ZFAT: variants seen among roughly 807,000 people sequenced by gnomAD.
ZFAT encodes zinc finger and AT-hook domain containing.
In ZFAT, 64 loss-of-function variants were observed where a neutral mutation model predicts 117.7. That is an observed-to-expected ratio of 0.54 (90% CI 0.44 to 0.67). The LOEUF is 0.67. ZFAT is among the 30% of genes least tolerant of loss of function. The pLI is 0.00. For synonymous variants in ZFAT, 679 were observed against 615.0 expected, an observed-to-expected ratio of 1.10 and a Z score of -1.54; for missense variants, 1,433 against 1,584.5, an observed-to-expected ratio of 0.90 and a Z score of 1.62.
At chr8:134,543,018 G>C (rs115449220) in intron 11 of ZFAT, among the ~76,000 whole-genome samples, 1 of 145,608 alleles carries the variant, frequency 6.9e-6, no homozygotes. Context: ...AGTGAGTCAG[G>C]CACATGCAGT....
chr8:134,616,664 G>A (rs550507463), intron 3 of ZFAT, among the ~76,000 whole-genome samples: 127 of 152,194 alleles, frequency 8.3e-4, no homozygotes, highest in Non-Finnish European at 1.6e-3. Flanking sequence ...TTCCATAGCT[G>A]TCGATGGGTT....
chr8:134,577,618 G>C (rs1825400779), intron 10 of ZFAT, among the ~76,000 whole-genome samples: 1 of 152,164 alleles, frequency 6.6e-6, no homozygotes, highest in Non-Finnish European at 1.5e-5. Flanking sequence ...CAAATTTATT[G>C]AGTGCCTATG....
At chr8:134,589,638 G>A (rs542437551) in intron 8 of ZFAT, among the ~76,000 whole-genome samples, 76 of 152,316 alleles carry the variant, frequency 5.0e-4, no homozygotes, top group Non-Finnish European at 9.4e-4. Context: ...CGGTCAGTGC[G>A]CCCTGTGTGA....
At chr8:134,568,109 G>A (rs1246525307) in intron 10 of ZFAT, among the ~76,000 whole-genome samples, 1 of 152,226 alleles carries the variant, frequency 6.6e-6, no homozygotes, top group Non-Finnish European at 1.5e-5. Context: ...ACTGAACTGA[G>A]TGAAAATTTT....
At chr8:134,574,854 A>G (rs571087530) in intron 10 of ZFAT, among the ~76,000 whole-genome samples, 346 of 152,328 alleles carry the variant, frequency 2.3e-3, no homozygotes, top group African/African-American at 8.0e-3. Context: ...GGTATTTTAC[A>G]TAAGTAAATT....
In ZFAT at chr8:134,616,253, ACTT is replaced by A. The variant is rs752879156; in HGVS notation, c.449-5601_449-5599del. ...GTCTGGTGTGTCGTAGATGCTCAAT[ACTT>A]CTTCGTGGAAAGCAAGGAGGGTACA... On this transcript the variant is annotated intron_variant, in intron 3 of 15. Transcript: ENST00000377838. 4.9e-4 allele frequency among the ~76,000 whole-genome samples: 75 copies of A among 152,306 alleles called. No individual in the cohort carries two copies. The Middle Eastern group carries it at 0.014, about 28-fold the overall frequency.
Position 134,618,947 on chromosome 8 carries a change from A to G in ZFAT, c.449-8292T>C, listed in dbSNP as rs932460857. Among the ~76,000 whole-genome samples, 151 of 152,350 alleles carry G rather than the reference A, an allele frequency of 9.9e-4. 1 individual carries two copies. Among genetic ancestry groups the G allele is most frequent in the Non-Finnish European group, 1.8e-4 (12 of 68,044 alleles). ...AGGAAAGAGACAATCAGTTTAAAAC[A>G]TAATAAATAACTAAACCACACAGCA... On this transcript the variant is annotated intron_variant, in intron 3 of 15. Coordinates refer to ENST00000377838, the MANE Select transcript of ZFAT (RefSeq NM_020863.4).
chr8:134,587,138 C>T (rs1274714319), intron 9 of ZFAT, among the ~76,000 whole-genome samples: 3 of 152,166 alleles, frequency 2.0e-5, no homozygotes, highest in African/African-American at 7.2e-5. Context: ...ATGTGACCAT[C>T]ACTCTCCTCT....
At chr8:134,616,146 T>G (rs1400677656) in intron 3 of ZFAT, among the ~76,000 whole-genome samples, 1 of 152,172 alleles carries the variant, frequency 6.6e-6, no homozygotes, top group African/African-American at 2.4e-5. Context: ...ACCGCACTCC[T>G]GTACAAGCCA....
chr8:134,508,385 T>C (rs1303912062), intron 15 of ZFAT, among the ~76,000 whole-genome samples: 1 of 152,208 alleles, frequency 6.6e-6, no homozygotes, highest in African/African-American at 2.4e-5. Flanking sequence ...AGAAATATCT[T>C]ATTTGTTAGT....
rs1307763930 is a variant in ZFAT, at chr8:134,512,621, C to G, written c.3235-20G>C. 3 of 1,607,406 alleles carry G rather than the reference C, an allele frequency of 1.9e-6. No homozygotes were observed. Among genetic ancestry groups the G allele is most frequent in the Non-Finnish European group, 1.7e-6 (2 of 1,177,146 alleles). ...TGCTGTCTAAATAAAAACATAGTAC[C>G]TAAGTCATCTCCTAAAAGATTGACT... On this transcript the variant is annotated intron_variant, in intron 13 of 15. Coordinates refer to ENST00000377838, the MANE Select transcript of ZFAT (RefSeq NM_020863.4).
At chr8:134,646,455 A>G (rs1011965433) in intron 2 of ZFAT, among the ~76,000 whole-genome samples, 6 of 152,198 alleles carry the variant, frequency 3.9e-5, no homozygotes, top group African/African-American at 1.4e-4. Flanking sequence ...TACATTAGAA[A>G]AAAAGAAAAA....
intron 13 of ZFAT, among the ~76,000 whole-genome samples, chr8:134,518,175 T>C (rs1410971469): frequency 6.6e-6 from 1 of 152,192 alleles, no homozygotes; most frequent in African/African-American, 2.4e-5. Context: ...TCTACATTTA[T>C]TAATCATTAT....
intron 11 of ZFAT, among the ~76,000 whole-genome samples, chr8:134,546,070 C>T (rs1031720841): frequency 5.3e-5 from 8 of 152,124 alleles, no homozygotes; most frequent in Admixed American, 3.9e-4. Flanking sequence ...ATAACACTGA[C>T]GACGACAACA....
upstream of ZFAT, among the ~76,000 whole-genome samples, chr8:134,717,358 G>T (rs1321248638): frequency 6.7e-6 from 1 of 149,022 alleles, no homozygotes; most frequent in East Asian, 2.0e-4. Flanking sequence ...CAGTGCACCT[G>T]GGAAGGAGAT....
intron 1 of ZFAT, among the ~76,000 whole-genome samples, chr8:134,667,492 C>CA (rs34820180): frequency 0.015 from 980 of 64,104 alleles, 8 homozygotes; most frequent in Non-Finnish European, 0.019. Context: ...GACTAAGTCT[C>CA]AAAAAAAAAA....
At chr8:134,567,831 C>A (rs1186339988) in intron 10 of ZFAT, among the ~76,000 whole-genome samples, 3 of 152,210 alleles carry the variant, frequency 2.0e-5, no homozygotes, top group Non-Finnish European at 2.9e-5. Context: ...ATTTTCCATG[C>A]CTGGAATGCA....
intron 3 of ZFAT, among the ~76,000 whole-genome samples, chr8:134,634,704 A>G (rs552635400): frequency 1.3e-5 from 2 of 152,262 alleles, no homozygotes; most frequent in African/African-American, 4.8e-5. Context: ...AAAACAGAAT[A>G]CTTTATGTCA....
chr8:134,798,833 A>G, the ZFAT span, among the ~76,000 whole-genome samples: 1 of 152,164 alleles, frequency 6.6e-6, no homozygotes, highest in Non-Finnish European at 1.5e-5. Context: ...CACATCTAGC[A>G]TATGAAAGAA....
Sources: allele counts gnomAD v4.1 joint callset (sites outside exome capture counted in the v4.1 genomes callset), GRCh38; gene constraint gnomAD v4.1.1; transcripts MANE v1.5; gene names NCBI Gene and HGNC (gene_info 2026-07-23, HGNC 2026-07-21).